The following TNIK variants were observed in gnomAD, a reference collection of about 807,000 sequenced individuals.
TNIK encodes the protein TRAF2 and NCK-interacting protein kinase.
A neutral mutation model predicts 191.3 loss-of-function variants in TNIK; 49 were observed. That is an observed-to-expected ratio of 0.26 (90% CI 0.20 to 0.32). The LOEUF (loss-of-function observed/expected upper bound fraction) is 0.32. Ranked by LOEUF, TNIK falls within the 10% of genes least tolerant of loss-of-function variation. The probability of loss-of-function intolerance (pLI) is 1.00; values close to 1 mark genes in which losing one functional copy is unlikely to be tolerated. For synonymous variants in TNIK, 594 were observed against 600.9 expected (o/e 0.99, Z 0.17); for missense variants, 1,155 against 1,702.3 (o/e 0.68, Z 5.66).
chr3:171,341,136 T>C (rs1455642413), intron 2 of TNIK, among the ~76,000 whole-genome samples: 1 of 152,180 alleles, frequency 6.6e-6, no homozygotes, highest in Non-Finnish European at 1.5e-5. Context: ...GTTAGTATAG[T>C]ACAAGTACCT....
chr3:171,355,434 C>A (rs1275320046), intron 2 of TNIK, among the ~76,000 whole-genome samples: 1 of 141,518 alleles, frequency 7.1e-6, no homozygotes, highest in Non-Finnish European at 1.6e-5. Context: ...ACATTTAGGC[C>A]ACAAAACATT....
intron 12 of TNIK, among the ~76,000 whole-genome samples, chr3:171,145,254 T>G (rs1407227162): frequency 6.6e-6 from 1 of 152,052 alleles, no homozygotes; most frequent in Non-Finnish European, 1.5e-5. Flanking sequence ...GCCTGGCTAA[T>G]TTTTTGGATT....
chr3:171,185,104 T>A (rs563095896), intron 7 of TNIK, among the ~76,000 whole-genome samples: 1 of 152,096 alleles, frequency 6.6e-6, no homozygotes, highest in East Asian at 1.9e-4. Context: ...AAATAAAAAT[T>A]GTAAGTTTTC....
intron 18 of TNIK, among the ~76,000 whole-genome samples, chr3:171,115,868 AAG>A (rs2108525050): frequency 6.6e-6 from 1 of 152,294 alleles, no homozygotes; most frequent in African/African-American, 2.4e-5. Flanking sequence ...CTGTGTGAAA[AAG>A]AGCATGGGCA....
At chr3:171,251,459 A>G (rs1375188426) in intron 2 of TNIK, among the ~76,000 whole-genome samples, 1 of 152,140 alleles carries the variant, frequency 6.6e-6, no homozygotes, top group East Asian at 1.9e-4. Context: ...ATAGTTATCA[A>G]CCTTCCTGCC....
intron 28 of TNIK, among the ~76,000 whole-genome samples, chr3:171,077,124 A>G (rs1576913734): frequency 1.6e-5 from 2 of 128,870 alleles, no homozygotes; most frequent in South Asian, 5.2e-4. Context: ...CTCTAAGCAC[A>G]TGTAAACTTT....
Position 171,380,950 on chromosome 3 carries a change from A to G in TNIK, c.58-11265T>C, listed in dbSNP as rs184079076. 1.9e-3 allele frequency among the ~76,000 whole-genome samples: 295 copies of G among 152,362 alleles called. 3 individuals are homozygous for G. The highest frequency in any genetic ancestry group is 6.6e-3 in the African/African-American group (275 of 41,590). On this transcript the variant is annotated intron_variant, in intron 1 of 32. Transcript: ENST00000436636. ...GACCTGTCATCTGGCAGAGGTACAA[A>G]CCAATCTTAGTCCATCACTTGGTGT... is the stretch of plus-strand genomic sequence containing the variant.
chr3:171,408,834 A>T (rs1722039946), intron 1 of TNIK, among the ~76,000 whole-genome samples: 1 of 152,192 alleles, frequency 6.6e-6, no homozygotes, highest in Non-Finnish European at 1.5e-5. Context: ...CTGACAAAGG[A>T]TAAAGTATGC....
intron 2 of TNIK, among the ~76,000 whole-genome samples, chr3:171,338,182 T>A (rs1757152245): frequency 6.6e-6 from 1 of 152,070 alleles, no homozygotes; most frequent in Admixed American, 6.5e-5. Flanking sequence ...ACAATTTTTT[T>A]AAGATTATTT....
intron 9 of TNIK, among the ~76,000 whole-genome samples, chr3:171,172,886 AGTT>A (rs1358759773): frequency 3.3e-5 from 5 of 152,200 alleles, no homozygotes; most frequent in African/African-American, 1.2e-4. Context: ...TATTAAAATT[AGTT>A]GTTGTCAAAG....
At chr3:171,396,168 C>T (rs1354117441) in intron 1 of TNIK, among the ~76,000 whole-genome samples, 1 of 149,346 alleles carries the variant, frequency 6.7e-6, no homozygotes, top group Non-Finnish European at 1.5e-5. Context: ...CTACGGAGTT[C>T]TCTGTCCTGG....
intron 4 of TNIK, among the ~76,000 whole-genome samples, chr3:171,209,631 T>A (rs111718238): frequency 1.3e-5 from 2 of 152,158 alleles, no homozygotes; most frequent in Non-Finnish European, 2.9e-5. Flanking sequence ...TATTATACAT[T>A]TAGAGGCCAC....
At position 171,356,896 on chromosome 3, in the gene TNIK, T is replaced by A. The variant is rs1017696691; in HGVS notation, c.123+12724A>T. Among the ~76,000 whole-genome samples, 16 of 152,302 alleles carry A rather than the reference T, an allele frequency of 1.1e-4. No individual in the cohort carries two copies. The South Asian group carries it at 3.3e-3, about 32-fold the overall frequency. Reference sequence around the variant, plus strand: ...CCATTGTTTTATGTTTTATGATTGATATCAGTGATGTCAACGTTTAACTCT... The same window carrying A: ...CCATTGTTTTATGTTTTATGATTGAAATCAGTGATGTCAACGTTTAACTCT... On this transcript the variant is annotated intron_variant, in intron 2 of 32. Coordinates refer to ENST00000436636, the MANE Select transcript of TNIK (RefSeq NM_015028.4).
At chr3:171,338,791 C>T (rs1383280799) in intron 2 of TNIK, among the ~76,000 whole-genome samples, 3 of 151,996 alleles carry the variant, frequency 2.0e-5, no homozygotes, top group Non-Finnish European at 4.4e-5. Flanking sequence ...GTATCAACCA[C>T]CATGCCCGGC....
chr3:171,400,095 G>T (rs1720730796), intron 1 of TNIK, among the ~76,000 whole-genome samples: 1 of 152,144 alleles, frequency 6.6e-6, no homozygotes, highest in Admixed American at 6.5e-5. Context: ...ACTCAGAGTG[G>T]ACCCGGGACC....
At chr3:171,224,556 C>T (rs1411007373) in intron 3 of TNIK, among the ~76,000 whole-genome samples, 1 of 152,092 alleles carries the variant, frequency 6.6e-6, no homozygotes, top group African/African-American at 2.4e-5. Context: ...GTGGTACTCT[C>T]ATTTTGATGT....
At chr3:171,264,111 C>T (rs201736394) in intron 2 of TNIK, among the ~76,000 whole-genome samples, 9,344 of 59,168 alleles carry the variant, frequency 0.16, 399 homozygotes, top group East Asian at 0.19. Context: ...CACACACACA[C>T]ATATATATAT....
intron 2 of TNIK, among the ~76,000 whole-genome samples, chr3:171,233,915 G>C (rs1393741785): frequency 6.6e-6 from 1 of 152,100 alleles, no homozygotes; most frequent in Non-Finnish European, 1.5e-5. Context: ...GTTGTAAGCA[G>C]GAATTATAAT....
chr3:171,181,743 A>C (rs1038838578), intron 7 of TNIK, among the ~76,000 whole-genome samples: 1 of 152,222 alleles, frequency 6.6e-6, no homozygotes, highest in Admixed American at 6.5e-5. Flanking sequence ...GCCAGCACAG[A>C]AAGCTAGGAG....
Sources: allele counts gnomAD v4.1 joint callset (sites outside exome capture counted in the v4.1 genomes callset), GRCh38; gene constraint gnomAD v4.1.1; transcripts MANE v1.5; gene names NCBI Gene and HGNC (gene_info 2026-07-23, HGNC 2026-07-21).